EOGT: variants seen among roughly 807,000 people sequenced by gnomAD.
EOGT encodes EGF domain-specific O-linked N-acetylglucosamine transferase.
A neutral mutation model predicts 70.5 loss-of-function variants in EOGT; 55 were observed. The ratio of observed to expected loss-of-function variants is 0.78; its 90% CI spans 0.63 to 0.98. EOGT has a LOEUF of 0.98. Ranked by LOEUF, EOGT falls within the 50% of genes least tolerant of loss-of-function variation. The pLI, the probability that EOGT is intolerant of heterozygous loss-of-function variation, is 0.00. For synonymous variants in EOGT, 246 were observed against 217.1 expected (o/e 1.13, Z -1.17); for missense variants, 703 against 641.9 (o/e 1.10, Z -1.03).
chr3:69,005,136 G>T lies in EOGT; in HGVS notation c.515+4C>A. 3 of 1,490,038 alleles carry T rather than the reference G, an allele frequency of 2.0e-6. No homozygotes were observed. The highest frequency in any genetic ancestry group is 2.8e-6 in the Non-Finnish European group (3 of 1,074,924). 92.3% of individuals were successfully genotyped at this position (1,490,038 alleles called of 1,614,324 possible). A position where few individuals can be genotyped will look rare whatever the true frequency, so the allele number is the denominator to read the frequency against. ...CTAGATGTTAACATTAACCACTAAA[G>T]TACCTGTCATGATTTCTCTTGATGT... On this transcript the variant is annotated splice_donor_region_variant and intron_variant, in intron 7 of 17. Transcript: ENST00000383701.
At chr3:69,003,913 T>C (rs1469196988) in intron 8 of EOGT, among the ~76,000 whole-genome samples, 1 of 152,234 alleles carries the variant, frequency 6.6e-6, no homozygotes, top group African/African-American at 2.4e-5. Flanking sequence ...AACACATTTT[T>C]ATTTTTTAGA....
chr3:68,983,527 C>T (rs1234296123), intron 14 of EOGT, among the ~76,000 whole-genome samples: 4 of 152,262 alleles, frequency 2.6e-5, no homozygotes, highest in Non-Finnish European at 4.4e-5. Flanking sequence ...TCAGAAATTT[C>T]TGCAACTGTG....
At chr3:69,002,190 G>C (rs886453899) in intron 8 of EOGT, among the ~76,000 whole-genome samples, 2 of 152,150 alleles carry the variant, frequency 1.3e-5, no homozygotes, top group Admixed American at 6.6e-5. Flanking sequence ...AGTGAGTTTA[G>C]CAGCAGATTC....
At chr3:68,993,857 T>C (rs6807738) in intron 10 of EOGT, among the ~76,000 whole-genome samples, 57,946 of 151,984 alleles carry the variant, frequency 0.38, 11,957 homozygotes, top group East Asian at 0.56. Context: ...GTGGAAACCC[T>C]AGATAAACCC....
chr3:69,003,256 G>T (rs962458073), intron 8 of EOGT, among the ~76,000 whole-genome samples: 1 of 152,284 alleles, frequency 6.6e-6, no homozygotes, highest in South Asian at 2.1e-4. Context: ...GGTTATATGA[G>T]ATATTATCAT....
intron 15 of EOGT, among the ~76,000 whole-genome samples, chr3:68,980,770 T>C (rs2090615960): frequency 6.6e-6 from 1 of 152,220 alleles, no homozygotes; most frequent in Non-Finnish European, 1.5e-5. Context: ...AGGACGGCCA[T>C]TCACCCAGGT....
At chr3:68,978,080 C>G (rs2090522694) in intron 17 of EOGT, among the ~76,000 whole-genome samples, 1 of 152,200 alleles carries the variant, frequency 6.6e-6, no homozygotes, top group Non-Finnish European at 1.5e-5. Flanking sequence ...GCTTGTTGAT[C>G]CCGTCTCTAT....
chr3:69,003,795 A>G (rs1199636826), intron 8 of EOGT, among the ~76,000 whole-genome samples: 1 of 152,198 alleles, frequency 6.6e-6, no homozygotes, highest in Non-Finnish European at 1.5e-5. Flanking sequence ...GGACCTGGGT[A>G]AAAGTTACAT....
intron 7 of EOGT, 30 bp downstream of exon 7, chr3:69,005,110 A>T: frequency 8.5e-7 from 1 of 1,180,042 alleles, no homozygotes; most frequent in East Asian, 2.4e-5. Context: ...CAGAATTTAT[A>T]CTAGATGTTA....
intron 10 of EOGT, among the ~76,000 whole-genome samples, chr3:68,995,713 T>C (rs1376824326): frequency 6.6e-6 from 1 of 152,160 alleles, no homozygotes. Flanking sequence ...ATTTCTGTCA[T>C]CTGATAAAAT....
intron 10 of EOGT, among the ~76,000 whole-genome samples, chr3:68,996,797 C>T (rs4411889): frequency 0.42 from 64,633 of 152,088 alleles, 14,867 homozygotes; most frequent in Non-Finnish European, 0.53. Flanking sequence ...ATATGAGTGT[C>T]GTGAGTCAGA....
chr3:69,009,749 G>C lies in EOGT; in HGVS notation c.98C>G (p.Pro33Arg). ...PPNTHSIPGE[P>R]LYNYASIRLP... is the part of the protein sequence containing the mutation. ...GCGGATGCTGGCATAGTTATACAGA[G>C]GTTCGCCTGGAATGCTGTGAGTATT... The change falls in exon 4 of 18, where the codon CCT becomes CGT. Residue 33 changes from proline to arginine, a missense_variant. Pro to Arg is a moderately radical substitution (Grantham distance 103). Coordinates refer to ENST00000383701, the MANE Select transcript of EOGT (RefSeq NM_001278689.2). 6.2e-7 allele frequency: 1 copy of C among 1,614,026 alleles called. No individual in the cohort carries two copies. Among genetic ancestry groups the C allele is most frequent in the Non-Finnish European group, 8.5e-7 (1 of 1,179,996 alleles).
At chr3:68,990,640 C>T (rs1203184480) in intron 10 of EOGT, among the ~76,000 whole-genome samples, 1 of 152,130 alleles carries the variant, frequency 6.6e-6, no homozygotes, top group South Asian at 2.1e-4. Context: ...AGAAACCACA[C>T]CCAGCCTGAT....
rs999047805 is a variant in EOGT, at chr3:68,977,654, T to C, written c.1548A>G (p.Pro516=). ...CATGTTTCTTCTTAAATGGCCACTT[T>C]GGGTGTTGCAATACGTGGTCTGCAG... is the stretch of plus-strand genomic sequence containing the variant. ...LQAADHVLQH[P]KWPFKKKHDE... Residue 516 remains proline, a synonymous_variant, in exon 18 of 18, where the codon CCA becomes CCG. Coordinates refer to ENST00000383701, the MANE Select transcript of EOGT (RefSeq NM_001278689.2). The C allele has an allele frequency of 6.2e-7, 1 of 1,613,922 alleles. No individual in the cohort carries two copies. The highest frequency in any genetic ancestry group is 1.3e-5 in the African/African-American group (1 of 75,042).
intron 16 of EOGT, among the ~76,000 whole-genome samples, chr3:68,979,308 T>C (rs1292614605): frequency 6.6e-6 from 1 of 152,238 alleles, no homozygotes; most frequent in Non-Finnish European, 1.5e-5. Flanking sequence ...TGAAGCTATG[T>C]CGTGCATGAG....
rs562651560 is a variant in EOGT at position 68,977,668 on chromosome 3, C to T, written c.1534G>A (p.Val512Ile). ...AATGGCCACTTTGGGTGTTGCAATA[C>T]GTGGTCTGCAGCCTGAAGGACAAGA... ...MYLVLQAADH[V>I]LQHPKWPFKK... Residue 512 changes from valine (V) to isoleucine (I), a missense_variant, in exon 18 of 18, where the codon GTA becomes ATA. By Grantham distance (29) the Val-to-Ile change is conservative (BLOSUM62 3). Transcript: ENST00000383701. The T allele has an allele frequency of 1.6e-5, 26 of 1,613,904 alleles. No homozygotes were observed. The highest frequency in any genetic ancestry group is 6.7e-5 in the Admixed American group (4 of 59,982).
At chr3:68,991,889 G>A (rs546495312) in intron 10 of EOGT, among the ~76,000 whole-genome samples, 49 of 152,242 alleles carry the variant, frequency 3.2e-4, no homozygotes, top group Non-Finnish European at 5.0e-4. Context: ...ACATGGCAGC[G>A]GCAAGAGAAA....
intron 16 of EOGT, among the ~76,000 whole-genome samples, chr3:68,979,433 A>C (rs904633479): frequency 2.6e-5 from 4 of 152,230 alleles, no homozygotes; most frequent in African/African-American, 9.6e-5. Context: ...CACATCTTCC[A>C]TATCATGCTC....
At chr3:69,000,081 A>G (rs1020943239) in intron 9 of EOGT, among the ~76,000 whole-genome samples, 3 of 152,072 alleles carry the variant, frequency 2.0e-5, no homozygotes, top group Non-Finnish European at 4.4e-5. Flanking sequence ...AAAATTAGCC[A>G]GGCATGGTGG....
Sources: allele counts gnomAD v4.1 joint callset (sites outside exome capture counted in the v4.1 genomes callset), GRCh38; gene constraint gnomAD v4.1.1; transcripts MANE v1.5; gene names NCBI Gene and HGNC (gene_info 2026-07-23, HGNC 2026-07-21).